PSMA6: variants seen among roughly 807,000 people sequenced by gnomAD.
PSMA6 encodes the protein proteasome subunit alpha type-6.
For missense variants in PSMA6, 170 were observed against 294.8 expected (o/e 0.58, Z 3.10); for synonymous variants, 88 against 97.7 (o/e 0.90, Z 0.59).
At chr14:35,284,360 A>G (rs1367015444) in intron 1 of PSMA6, among the ~76,000 whole-genome samples, 1 of 152,112 alleles carries the variant, frequency 6.6e-6, no homozygotes, top group Non-Finnish European at 1.5e-5. Flanking sequence ...TTGGACATGC[A>G]TCTTCCAACA....
At chr14:35,285,435 A>C (rs951399565) in intron 1 of PSMA6, among the ~76,000 whole-genome samples, 12 of 152,088 alleles carry the variant, frequency 7.9e-5, no homozygotes, top group African/African-American at 2.7e-4. Flanking sequence ...TTAGTGACTG[A>C]AAATATTGGT....
chr14:35,315,246 G>C (rs1403578874), intron 6 of PSMA6: 1 of 152,148 alleles, frequency 6.6e-6, no homozygotes, highest in Non-Finnish European at 1.5e-5. Flanking sequence ...CATGGTCTTG[G>C]TTGTGGTGTG....
At chr14:35,300,138 G>A (rs1163411615) in intron 1 of PSMA6, among the ~76,000 whole-genome samples, 3 of 152,092 alleles carry the variant, frequency 2.0e-5, no homozygotes, top group Admixed American at 6.6e-5. Flanking sequence ...TAAGAATGGC[G>A]AGGTAATTAA....
chr14:35,302,300 C>A (rs1018703789), intron 1 of PSMA6, among the ~76,000 whole-genome samples: 27 of 152,114 alleles, frequency 1.8e-4, no homozygotes, highest in Non-Finnish European at 3.8e-4. Flanking sequence ...TGGGCTCAAG[C>A]GATCCTCCCC....
upstream of PSMA6, among the ~76,000 whole-genome samples, chr14:35,290,150 T>C (rs2051462394): frequency 6.6e-6 from 1 of 151,932 alleles, no homozygotes; most frequent in Non-Finnish European, 1.5e-5. Context: ...CCATTGGCAA[T>C]TAGAGAAGAT....
At chr14:35,312,260 ACTTTGGGAGGACG>A (rs2051958138) in intron 4 of PSMA6, among the ~76,000 whole-genome samples, 1 of 151,122 alleles carries the variant, frequency 6.6e-6, no homozygotes, top group South Asian at 2.1e-4. Context: ...TAATCCCAGC[ACTTTGGGAGGACG>A]AGGCAGGTGG....
intron 1 of PSMA6, among the ~76,000 whole-genome samples, chr14:35,303,047 G>A (rs1296316662): frequency 6.6e-6 from 1 of 152,044 alleles, no homozygotes; most frequent in South Asian, 2.1e-4. Flanking sequence ...TTTGGTTTTG[G>A]TTTTGGTTTT....
At chr14:35,279,968 C>CA (rs2051347864) in intron 1 of PSMA6, among the ~76,000 whole-genome samples, 1 of 150,788 alleles carries the variant, frequency 6.6e-6, no homozygotes, top group African/African-American at 2.4e-5. Context: ...ACTAAAAACA[C>CA]AAAAAAATTA....
chr14:35,309,932 A>C (rs1434466838), intron 3 of PSMA6, among the ~76,000 whole-genome samples: 2 of 151,918 alleles, frequency 1.3e-5, no homozygotes, highest in Admixed American at 1.3e-4. Flanking sequence ...AGATCATGAG[A>C]CTGTACTGCA....
At chr14:35,285,339 C>CAAAAAAAAAAAAAAAAAAAAAA (rs758651038) in intron 1 of PSMA6, among the ~76,000 whole-genome samples, 1 of 54,520 alleles carries the variant, frequency 1.8e-5, no homozygotes, top group African/African-American at 4.8e-5. Context: ...AACTCTATCT[C>CAAAAAAAAAAAAAAAAAAAAAA]AAAAAAAACA....
upstream of PSMA6, among the ~76,000 whole-genome samples, chr14:35,289,432 C>T (rs185499972): frequency 2.5e-3 from 387 of 152,108 alleles, 1 homozygote; most frequent in African/African-American, 8.7e-3. Flanking sequence ...CAGGCTCAAG[C>T]GATTCTCCTG....
chr14:35,309,211 G>C (rs1412511508), intron 3 of PSMA6, among the ~76,000 whole-genome samples: 6 of 152,152 alleles, frequency 3.9e-5, no homozygotes, highest in Non-Finnish European at 7.3e-5. Context: ...TGCTTATGCT[G>C]CTGTCGGAGA....
chr14:35,308,808 TG>T, intron 2 of PSMA6, 105 bp from the exon 3 acceptor site: 1 of 762,948 alleles, frequency 1.3e-6, no homozygotes, highest in Non-Finnish European at 2.2e-6. Context: ...TCCATAGTAT[TG>T]TTTTCTCCAA....
intron 1 of PSMA6, among the ~76,000 whole-genome samples, chr14:35,285,991 A>G (rs2138705042): frequency 6.6e-6 from 1 of 152,388 alleles, no homozygotes; most frequent in African/African-American, 2.4e-5. Context: ...GATAGATCAA[A>G]GCGAAATAGC....
chr14:35,300,036 G>A (rs1243553072), intron 1 of PSMA6, among the ~76,000 whole-genome samples: 2 of 152,188 alleles, frequency 1.3e-5, no homozygotes, highest in African/African-American at 4.8e-5. Context: ...AACTGAAAGA[G>A]TAAATTATAG....
At chr14:35,310,122 T>TA (rs1212380562) in intron 3 of PSMA6, 4,727 of 315,516 alleles carry the variant, frequency 0.015, no homozygotes, top group East Asian at 0.023. Context: ...ACCCCATCTC[T>TA]AAAAAAAAAA....
chr14:35,310,476 A>G (rs1245694745), intron 3 of PSMA6, among the ~76,000 whole-genome samples: 1 of 152,204 alleles, frequency 6.6e-6, no homozygotes, highest in Non-Finnish European at 1.5e-5. Flanking sequence ...GTTACTGGAT[A>G]CTTGCAGAAA....
Position 35,313,090 on chromosome 14 carries a change from T to A in PSMA6, c.588+31T>A, listed in dbSNP as rs776283624. On this transcript the variant is annotated intron_variant, in intron 5 of 6. Transcript: ENST00000261479. ...TCAACCAAAAGGAGCTGACTTTTTT[T>A]ATGCTATATAGAACAGTGAGGATCT... 220 of 1,531,140 alleles carry A rather than the reference T, an allele frequency of 1.4e-4. 1 individual carries two copies. Among genetic ancestry groups the A allele is most frequent in the South Asian group, 5.8e-4 (47 of 81,588 alleles). 94.8% of individuals were successfully genotyped at this position (1,531,140 alleles called of 1,614,324 possible).
At chr14:35,301,983 ATT>A (rs11285398) in intron 1 of PSMA6, among the ~76,000 whole-genome samples, 10 of 150,698 alleles carry the variant, frequency 6.6e-5, no homozygotes, top group African/African-American at 2.4e-4. Context: ...AGCTTAGGTG[ATT>A]TTTTTTTTCT....
Sources: allele counts gnomAD v4.1 joint callset (sites outside exome capture counted in the v4.1 genomes callset), GRCh38; gene constraint gnomAD v4.1.1; transcripts MANE v1.5; gene names NCBI Gene and HGNC (gene_info 2026-07-23, HGNC 2026-07-21).